GABRR2: variants seen among roughly 807,000 people sequenced by gnomAD.
GABRR2 encodes the protein gamma-aminobutyric acid type A receptor subunit rho2.
GABRR2 carries 36 observed loss-of-function variants against 47.0 expected under a neutral mutation model. That is an observed-to-expected ratio of 0.77 (90% CI 0.59 to 1.01). GABRR2 has a LOEUF of 1.01. GABRR2 is among the 50% of genes least tolerant of loss of function. The pLI is 0.00. For synonymous variants in GABRR2, 204 were observed against 227.5 expected, an observed-to-expected ratio of 0.90 and a Z score of 0.93; for missense variants, 587 against 594.6, an observed-to-expected ratio of 0.99 and a Z score of 0.13.
At position 89,265,767 on chromosome 6, in the gene GABRR2, T is replaced by C; in HGVS notation, c.737-2A>G. ...TAATGTACAGACGGTTGTACCAGCC[T>C]AGGGGATGCAGGAAGAAGCCAATGA... On this transcript the variant is annotated splice_acceptor_variant, in intron 6 of 8. Coordinates refer to ENST00000402938, the MANE Select transcript of GABRR2 (RefSeq NM_002043.5). LOFTEE classifies it high-confidence loss of function. 1.2e-6 allele frequency: 2 copies of C among 1,613,718 alleles called. No individual in the cohort carries two copies. The highest frequency in any genetic ancestry group is 1.6e-4 in the Middle Eastern group (1 of 6,062).
Position 89,268,045 on chromosome 6 carries a change from G to A in GABRR2, c.564C>T (p.Asp188=), listed in dbSNP as rs1275850275. Residue 188 remains aspartate, a synonymous_variant, in exon 5 of 9, where the codon GAC becomes GAT. Transcript: ENST00000402938. ...CCAGCTCCAAAGAACAGGTCTGGGA[G>A]TCCAGGGGAAAGTGGCTGAAGTCCA... The part of the protein sequence containing the change: ...CNMDFSHFPL[D]SQTCSLELES... 4 of 1,612,178 alleles carry A rather than the reference G, an allele frequency of 2.5e-6. No homozygotes were observed. Among genetic ancestry groups the A allele is most frequent in the Non-Finnish European group, 3.4e-6 (4 of 1,178,982 alleles).
intron 1 of GABRR2, chr6:89,302,878 C>A: frequency 8.0e-7 from 1 of 1,244,636 alleles, no homozygotes; most frequent in Non-Finnish European, 1.1e-6. Context: ...AGCAACAGCA[C>A]GGGCATCCAG....
At chr6:89,301,813 C>T (rs1767445516) in intron 1 of GABRR2, 12 of 916,526 alleles carry the variant, frequency 1.3e-5, no homozygotes, top group South Asian at 1.1e-4. Flanking sequence ...TCAGGCCGGC[C>T]AGTGCGGCAA....
intron 4 of GABRR2, 90 bp from the exon 5 acceptor site, chr6:89,268,186 G>C (rs1189405768): frequency 1.1e-5 from 10 of 914,342 alleles, no homozygotes; most frequent in Non-Finnish European, 1.8e-5. Context: ...ACACAACTGA[G>C]TAGCTGCCTC....
intron 8 of GABRR2, among the ~76,000 whole-genome samples, chr6:89,260,805 G>A (rs1010785767): frequency 3.9e-5 from 6 of 152,138 alleles, no homozygotes; most frequent in Non-Finnish European, 8.8e-5. Flanking sequence ...GGTGATTCCA[G>A]GGAAGGTACT....
intron 1 of GABRR2, among the ~76,000 whole-genome samples, chr6:89,307,036 G>A (rs1009009280): frequency 4.6e-5 from 7 of 152,126 alleles, no homozygotes; most frequent in African/African-American, 1.7e-4. Flanking sequence ...CACAATGCCC[G>A]GCATGTAGCA....
At chr6:89,280,241 T>TACACATAC (rs1774234996) in intron 2 of GABRR2, among the ~76,000 whole-genome samples, 1 of 85,134 alleles carries the variant, frequency 1.2e-5, no homozygotes, top group Non-Finnish European at 2.5e-5. Context: ...TATATATATA[T>TACACATAC]ATATATATAT....
intron 2 of GABRR2, among the ~76,000 whole-genome samples, chr6:89,299,468 G>T (rs1774611155): frequency 1.3e-5 from 2 of 152,052 alleles, no homozygotes; most frequent in African/African-American, 4.8e-5. Context: ...GATTCTCCTT[G>T]CCTGCTCTTA....
At chr6:89,272,903 G>A (rs1462668561) in intron 2 of GABRR2, among the ~76,000 whole-genome samples, 1 of 152,168 alleles carries the variant, frequency 6.6e-6, no homozygotes, top group African/African-American at 2.4e-5. Context: ...CCGCCCAAAT[G>A]CAGGGTAGAG....
intron 1 of GABRR2, among the ~76,000 whole-genome samples, chr6:89,308,852 C>G (rs916511872): frequency 3.9e-5 from 6 of 152,166 alleles, no homozygotes; most frequent in African/African-American, 1.4e-4. Flanking sequence ...CTATAGAGCC[C>G]CTACTCTGTG....
chr6:89,265,574 A>T (rs749308118), intron 7 of GABRR2, 39 bp downstream of exon 7: 1 of 1,559,650 alleles, frequency 6.4e-7, no homozygotes, highest in South Asian at 1.2e-5. Flanking sequence ...TAAGTTGAAA[A>T]AAATAACCAC....
chr6:89,274,696 G>A lies in GABRR2; in HGVS notation c.221-2974C>T, dbSNP rs76589106. ...AGCCTCAATAACACGGCGAAACCCTGTCTCTACAGAAAATACAAAAATTAG... is the reference window on the plus strand; with the variant it reads ...AGCCTCAATAACACGGCGAAACCCTATCTCTACAGAAAATACAAAAATTAG... On this transcript the variant is annotated intron_variant, in intron 2 of 8. Transcript: ENST00000402938. Among the ~76,000 whole-genome samples the A allele has an allele frequency of 2.2e-3, 333 of 152,072 alleles. 1 individual carries two copies. The highest frequency in any genetic ancestry group is 7.7e-3 in the African/African-American group (321 of 41,482).
intron 2 of GABRR2, among the ~76,000 whole-genome samples, chr6:89,278,016 C>T (rs1255261625): frequency 6.6e-6 from 1 of 152,170 alleles, no homozygotes; most frequent in African/African-American, 2.4e-5. Flanking sequence ...AAAATATTCA[C>T]AAAGCATTCT....
chr6:89,288,169 G>A (rs968796955), intron 2 of GABRR2, among the ~76,000 whole-genome samples: 4 of 152,238 alleles, frequency 2.6e-5, no homozygotes, highest in South Asian at 2.1e-4. Context: ...GATGATGGCT[G>A]CAAACTTCCA....
intron 2 of GABRR2, among the ~76,000 whole-genome samples, chr6:89,295,357 A>T (rs1414300936): frequency 3.3e-5 from 5 of 152,056 alleles, no homozygotes; most frequent in African/African-American, 9.7e-5. Flanking sequence ...ATGGTCTCTC[A>T]TTGTGGTTTT....
chr6:89,296,565 C>T (rs1320944242), intron 2 of GABRR2, among the ~76,000 whole-genome samples: 1 of 152,200 alleles, frequency 6.6e-6, no homozygotes, highest in Non-Finnish European at 1.5e-5. Context: ...TGCCTCTTTC[C>T]TTAGCAGCTT....
At position 89,314,624 on chromosome 6, in the gene GABRR2, G is replaced by A. The variant is rs113831068; in HGVS notation, c.113+429C>T. 2.0e-3 allele frequency among the ~76,000 whole-genome samples: 301 copies of A among 152,204 alleles called. 1 individual carries two copies. The highest frequency in any genetic ancestry group is 3.7e-3 in the Non-Finnish European group (251 of 68,022). ...AAATAATTTAAGGAAGACAACTCCCGTATGCATTTTTTTCTTAATAGTTCA... is the reference window on the plus strand; with the variant it reads ...AAATAATTTAAGGAAGACAACTCCCATATGCATTTTTTTCTTAATAGTTCA... On this transcript the variant is annotated intron_variant, in intron 1 of 8. Transcript: ENST00000402938.
intron 1 of GABRR2, among the ~76,000 whole-genome samples, chr6:89,312,512 G>A (rs1767697672): frequency 6.6e-6 from 1 of 152,218 alleles, no homozygotes; most frequent in Non-Finnish European, 1.5e-5. Context: ...TATGTGGCAT[G>A]CGGTATGTGT....
chr6:89,286,908 C>T (rs1044445744), intron 2 of GABRR2, among the ~76,000 whole-genome samples: 2 of 152,098 alleles, frequency 1.3e-5, no homozygotes, highest in African/African-American at 2.4e-5. Flanking sequence ...GGAAGAAGCC[C>T]GAGGGAGCCC....
Sources: gnomAD v4.1 joint callset for allele counts (sites outside exome capture counted in the v4.1 genomes callset) on GRCh38, gnomAD v4.1.1 for gene constraint, MANE v1.5 for transcripts, NCBI Gene and HGNC (gene_info 2026-07-23, HGNC 2026-07-21) for gene names.